Variants in IMMP2L observed in about 807,000 individuals in gnomAD.
IMMP2L encodes mitochondrial inner membrane protease subunit 2.
In IMMP2L, 18 loss-of-function variants were observed where a neutral mutation model predicts 19.3. The ratio of observed to expected loss-of-function variants is 0.93; its 90% CI spans 0.64 to 1.38. The LOEUF is 1.38. IMMP2L is among the 40% of genes most tolerant of loss of function. The pLI is 0.00. For missense variants in IMMP2L, 233 were observed against 218.2 expected, an observed-to-expected ratio of 1.07 and a Z score of -0.43; for synonymous variants, 76 against 73.0, an observed-to-expected ratio of 1.04 and a Z score of -0.21.
At chr7:111,094,528 CT>C (rs1245189064) in intron 3 of IMMP2L, among the ~76,000 whole-genome samples, 2 of 152,126 alleles carry the variant, frequency 1.3e-5, no homozygotes, top group Non-Finnish European at 2.9e-5. Flanking sequence ...ATGTATCACT[CT>C]TTGGTACATG....
intron 3 of IMMP2L, among the ~76,000 whole-genome samples, chr7:111,277,045 T>C (rs1235688088): frequency 6.6e-6 from 1 of 152,112 alleles, no homozygotes; most frequent in Admixed American, 6.6e-5. Context: ...CTTCCGGACA[T>C]TGGCCTAGGC....
intron 5 of IMMP2L, among the ~76,000 whole-genome samples, chr7:110,859,777 G>A (rs892892454): frequency 3.3e-5 from 5 of 151,710 alleles, no homozygotes; most frequent in African/African-American, 9.7e-5. Flanking sequence ...CGTTGTTTAG[G>A]AGTATACAGT....
intron 5 of IMMP2L, among the ~76,000 whole-genome samples, chr7:110,839,506 C>G (rs1216893646): frequency 6.6e-6 from 1 of 151,948 alleles, no homozygotes; most frequent in Non-Finnish European, 1.5e-5. Flanking sequence ...TAACAACTGC[C>G]TCCTCCTACA....
At chr7:111,000,371 CA>C (rs1464045530) in intron 3 of IMMP2L, among the ~76,000 whole-genome samples, 1 of 152,130 alleles carries the variant, frequency 6.6e-6, no homozygotes, top group African/African-American at 2.4e-5. Flanking sequence ...TCAACTTAGA[CA>C]TGATAACACC....
At chr7:111,387,626 C>CTAAGCACTTAGCTTAAG (rs1831899419) in intron 3 of IMMP2L, among the ~76,000 whole-genome samples, 1 of 152,084 alleles carries the variant, frequency 6.6e-6, no homozygotes, top group African/African-American at 2.4e-5. Context: ...ATAACAGAAT[C>CTAAGCACTTAGCTTAAG]TTAAGCTAAG....
At chr7:111,458,939 G>A (rs890837225) in intron 3 of IMMP2L, among the ~76,000 whole-genome samples, 1 of 151,940 alleles carries the variant, frequency 6.6e-6, no homozygotes, top group African/African-American at 2.4e-5. Context: ...TCAATACTTG[G>A]GGACATATAA....
intron 4 of IMMP2L, among the ~76,000 whole-genome samples, chr7:110,900,232 G>A (rs528373614): frequency 1.3e-5 from 2 of 151,790 alleles, no homozygotes; most frequent in South Asian, 2.1e-4. Flanking sequence ...TCAATCCTCC[G>A]TAAATACATC....
chr7:111,345,514 T>C (rs1240625459), intron 3 of IMMP2L, among the ~76,000 whole-genome samples: 1 of 152,162 alleles, frequency 6.6e-6, no homozygotes, highest in East Asian at 1.9e-4. Flanking sequence ...TAATGTATGG[T>C]ATTTGATTAT....
At chr7:111,387,063 C>T (rs1831833065) in intron 3 of IMMP2L, among the ~76,000 whole-genome samples, 2 of 152,088 alleles carry the variant, frequency 1.3e-5, no homozygotes, top group Non-Finnish European at 2.9e-5. Flanking sequence ...TATCTGTTGT[C>T]CTGTAAAAAG....
At chr7:111,133,641 A>G (rs986802058) in intron 3 of IMMP2L, among the ~76,000 whole-genome samples, 4 of 152,020 alleles carry the variant, frequency 2.6e-5, no homozygotes, top group African/African-American at 7.2e-5. Context: ...AAAGACCAGA[A>G]TTAATTTATA....
intron 1 of IMMP2L, among the ~76,000 whole-genome samples, chr7:111,558,124 A>C (rs1791592933): frequency 6.6e-6 from 1 of 152,212 alleles, no homozygotes; most frequent in African/African-American, 2.4e-5. Context: ...GTTGACAAAG[A>C]TCAACAGAGA....
intron 3 of IMMP2L, among the ~76,000 whole-genome samples, chr7:111,295,857 A>G (rs1361662217): frequency 1.3e-5 from 2 of 151,818 alleles, no homozygotes; most frequent in East Asian, 1.9e-4. Flanking sequence ...AATGTGGCAT[A>G]TCAACAAAAA....
intron 3 of IMMP2L, among the ~76,000 whole-genome samples, chr7:111,014,667 A>T (rs905776707): frequency 6.6e-6 from 1 of 152,142 alleles, no homozygotes; most frequent in Admixed American, 6.6e-5. Flanking sequence ...AAAAAAAATC[A>T]TATATTTGAT....
At chr7:110,997,275 A>T (rs1188826797) in intron 3 of IMMP2L, among the ~76,000 whole-genome samples, 2 of 152,046 alleles carry the variant, frequency 1.3e-5, no homozygotes, top group Admixed American at 6.6e-5. Context: ...GATGTATCAG[A>T]ATTTGTTTAA....
intron 3 of IMMP2L, among the ~76,000 whole-genome samples, chr7:111,242,022 G>C (rs1000049872): frequency 6.6e-6 from 1 of 151,864 alleles, no homozygotes; most frequent in Admixed American, 6.6e-5. Context: ...ATGTGAAATA[G>C]GTTTTCTTTC....
intron 3 of IMMP2L, among the ~76,000 whole-genome samples, chr7:111,463,756 C>G (rs1840357246): frequency 1.3e-5 from 2 of 152,162 alleles, no homozygotes; most frequent in South Asian, 4.1e-4. Context: ...GCACTACCAC[C>G]CATCCCTCTA....
At chr7:111,029,494 G>A (rs1217814649) in intron 3 of IMMP2L, among the ~76,000 whole-genome samples, 2 of 152,158 alleles carry the variant, frequency 1.3e-5, no homozygotes, top group Non-Finnish European at 2.9e-5. Context: ...CTTTGCATCA[G>A]GTGGCTCTGA....
At chr7:110,937,782 G>A (rs138155751) in intron 4 of IMMP2L, among the ~76,000 whole-genome samples, 41 of 152,268 alleles carry the variant, frequency 2.7e-4, no homozygotes, top group African/African-American at 9.4e-4. Flanking sequence ...GAAGAGGCAT[G>A]TTATGCTTTC....
chr7:111,467,730 C>T (rs1366621727), intron 3 of IMMP2L, among the ~76,000 whole-genome samples: 2 of 152,114 alleles, frequency 1.3e-5, no homozygotes, highest in Non-Finnish European at 2.9e-5. Context: ...TTTATGACCT[C>T]TAGTATTCTT....
Sources: allele counts gnomAD v4.1 joint callset (sites outside exome capture counted in the v4.1 genomes callset), GRCh38; gene constraint gnomAD v4.1.1; transcripts MANE v1.5; gene names NCBI Gene and HGNC (gene_info 2026-07-23, HGNC 2026-07-21).